The following TENT5D variants were observed in gnomAD, a reference collection of about 807,000 sequenced individuals.
TENT5D encodes the protein cancer/testis antigen 112.
For synonymous variants in TENT5D, 103 were observed against 100.6 expected (o/e 1.02, Z -0.15); for missense variants, 191 against 287.0 (o/e 0.67, Z 2.42).
intron 3 of TENT5D, among the ~76,000 whole-genome samples, chrX:80,343,927 C>CT (rs1930010606): frequency 1.8e-5 from 2 of 110,579 alleles, no homozygotes; most frequent in Admixed American, 1.9e-4. Flanking sequence ...CCAATAGGTA[C>CT]TTTTTTGAAT....
chrX:80,344,435 C>T (rs1349182311), intron 3 of TENT5D, among the ~76,000 whole-genome samples: 1 of 110,234 alleles, frequency 9.1e-6, no homozygotes, highest in African/African-American at 3.3e-5. Flanking sequence ...TAAGCATTCC[C>T]TTTTCTCTGC....
At chrX:80,361,415 A>G (rs1384075159) in intron 3 of TENT5D, among the ~76,000 whole-genome samples, 2 of 112,465 alleles carry the variant, frequency 1.8e-5, no homozygotes, top group Non-Finnish European at 3.8e-5. Context: ...GTGACTTTGT[A>G]AAACATAATT....
intron 1 of TENT5D, among the ~76,000 whole-genome samples, chrX:80,427,337 G>T (rs2147562732): frequency 8.9e-6 from 1 of 111,848 alleles, no homozygotes; most frequent in African/African-American, 3.2e-5. Flanking sequence ...CAGGCAAGTT[G>T]AACAGTTTTT....
chrX:80,395,446 G>GT lies in TENT5D; in HGVS notation c.-141-43158dup, dbSNP rs771474532. On this transcript the variant is annotated intron_variant, in intron 3 of 4. Transcript: ENST00000538312. ...TAATTCTTGGAAGAGCCTGTATACT[G>GT]TTTTTTATAATAGCTGTGCTAATTA... Among the ~76,000 whole-genome samples, 3 of 111,794 alleles carry GT rather than the reference G, an allele frequency of 2.7e-5. No homozygotes were observed. In the Admixed American group the frequency reaches 2.8e-4, roughly 11 times the overall value.
At chrX:80,362,129 A>T (rs943385082) in intron 3 of TENT5D, among the ~76,000 whole-genome samples, 1 of 110,882 alleles carries the variant, frequency 9.0e-6, no homozygotes, top group Non-Finnish European at 1.9e-5. Flanking sequence ...AATGGCCTCC[A>T]GCTGCATCCA....
intron 3 of TENT5D, among the ~76,000 whole-genome samples, chrX:80,408,625 G>C (rs1931560720): frequency 9.1e-6 from 1 of 110,426 alleles, no homozygotes; most frequent in African/African-American, 3.3e-5. Context: ...CAACCAAAAA[G>C]AGTCCAGGAC....
intron 3 of TENT5D, among the ~76,000 whole-genome samples, chrX:80,397,713 G>A (rs926243904): frequency 8.9e-6 from 1 of 112,749 alleles, no homozygotes; most frequent in Non-Finnish European, 1.9e-5. Flanking sequence ...GATCACTCGC[G>A]GTTAGGAGCT....
At chrX:80,343,281 C>A (rs1929995523) in intron 3 of TENT5D, among the ~76,000 whole-genome samples, 1 of 111,388 alleles carries the variant, frequency 9.0e-6, no homozygotes, top group African/African-American at 3.3e-5. Context: ...ACTGTGGCAT[C>A]CCCTAGTAAA....
chrX:80,411,168 G>A (rs1382157191), intron 3 of TENT5D, among the ~76,000 whole-genome samples: 8 of 106,212 alleles, frequency 7.5e-5, no homozygotes, highest in South Asian at 8.8e-4. Flanking sequence ...TGGGTGCAGC[G>A]CACCAGCATG....
chrX:80,442,935 G>C (rs1932317584), exon 3 of TENT5D: 2 of 1,209,723 alleles, frequency 1.7e-6, no homozygotes. Context: ...CTTACGTACA[G>C]AAATTGGTCA....
At chrX:80,392,735 C>G (rs1931160078) in intron 3 of TENT5D, among the ~76,000 whole-genome samples, 2 of 105,289 alleles carry the variant, frequency 1.9e-5, no homozygotes, top group African/African-American at 7.0e-5. Flanking sequence ...CCAGGATGGT[C>G]TCGATCTCCT....
intron 3 of TENT5D, among the ~76,000 whole-genome samples, chrX:80,397,233 G>A (rs780477146): frequency 9.4e-6 from 1 of 106,261 alleles, no homozygotes; most frequent in African/African-American, 3.5e-5. Context: ...GGGCAGAGAC[G>A]CTCCTCACCT....
intron 3 of TENT5D, among the ~76,000 whole-genome samples, chrX:80,343,066 G>A (rs913883002): frequency 1.8e-5 from 2 of 111,163 alleles, no homozygotes; most frequent in East Asian, 2.8e-4. Flanking sequence ...CCCAGAATAG[G>A]ATCTACAGGA....
chrX:80,339,161 T>C (rs1929908926), intron 2 of TENT5D, among the ~76,000 whole-genome samples: 1 of 111,309 alleles, frequency 9.0e-6, no homozygotes, highest in Admixed American at 9.6e-5. Context: ...ACCTAGGTCT[T>C]CTTGATTCCC....
At chrX:80,355,977 AAGG>A (rs1015836520) in intron 3 of TENT5D, among the ~76,000 whole-genome samples, 1 of 112,101 alleles carries the variant, frequency 8.9e-6, no homozygotes, top group Non-Finnish European at 1.9e-5. Context: ...CACAGAGGCC[AAGG>A]CAGAGCCACC....
exon 3 of TENT5D, chrX:80,444,333 GT>G (rs1009436313): frequency 8.2e-6 from 1 of 122,204 alleles, no homozygotes; most frequent in African/African-American, 3.3e-5. Context: ...GAAAAAAATG[GT>G]TCTGGAAAGC....
At chrX:80,416,782 T>C (rs1361099782), upstream of TENT5D, among the ~76,000 whole-genome samples, 1 of 111,193 alleles carries the variant, frequency 9.0e-6, no homozygotes, top group Non-Finnish European at 1.9e-5. Flanking sequence ...TATTCTCTTG[T>C]TTTTCAGAGA....
At chrX:80,402,678 G>C (rs1264595977) in intron 3 of TENT5D, among the ~76,000 whole-genome samples, 1 of 111,509 alleles carries the variant, frequency 9.0e-6, no homozygotes, top group South Asian at 3.7e-4. Context: ...TAATTTTCAT[G>C]TATTTGTGAA....
chrX:80,420,901 C>T (rs1394631802), intron 1 of TENT5D, among the ~76,000 whole-genome samples: 1 of 112,026 alleles, frequency 8.9e-6, no homozygotes, highest in Non-Finnish European at 1.9e-5. Context: ...AAACTCCCTA[C>T]GTCCTACATT....
Sources: gnomAD v4.1 joint callset for allele counts (sites outside exome capture counted in the v4.1 genomes callset) on GRCh38, gnomAD v4.1.1 for gene constraint, MANE v1.5 for transcripts, NCBI Gene and HGNC (gene_info 2026-07-23, HGNC 2026-07-21) for gene names.